The following ZNF488 variants were observed in gnomAD, a reference collection of about 807,000 sequenced individuals.
The protein encoded by ZNF488 is zinc finger protein 488.
In ZNF488, 1 loss-of-function variant was observed where a neutral mutation model predicts 1.2. That is an observed-to-expected ratio of 0.86 (90% confidence interval 0.30 to 4.07). ZNF488 has a LOEUF of 4.07. Ranked by LOEUF, ZNF488 falls within the 30% of genes most tolerant of loss-of-function variation. The pLI is 0.18. For missense variants in ZNF488, 450 were observed against 437.9 expected, an observed-to-expected ratio of 1.03 and a Z score of -0.25; for synonymous variants, 185 against 190.1, an observed-to-expected ratio of 0.97 and a Z score of 0.22.
At position 47,367,451 on chromosome 10, in the gene ZNF488, G is replaced by C. The variant is rs1555212943; in HGVS notation, c.*356C>G. 3.6e-6 allele frequency: 1 copy of C among 276,884 alleles called. No homozygotes were observed. Among genetic ancestry groups the C allele is most frequent in the Non-Finnish European group, 7.2e-6 (1 of 139,082 alleles). 17.2% of individuals were successfully genotyped at this position (276,884 alleles called of 1,614,324 possible). On this transcript the variant is annotated 3_prime_UTR_variant, in exon 2 of 2. Transcript: ENST00000585316. Reference sequence around the variant, plus strand: ...CAGATGAGAAAATGGGGACTCAGCAGGTTAAAGCTCTTTGTCCAGGGTCAC... The same window carrying C: ...CAGATGAGAAAATGGGGACTCAGCACGTTAAAGCTCTTTGTCCAGGGTCAC...
At chr10:47,383,992 T>A (rs1314833765) in intron 1 of ZNF488, among the ~76,000 whole-genome samples, 1 of 148,478 alleles carries the variant, frequency 6.7e-6, no homozygotes, top group Non-Finnish European at 1.5e-5. Flanking sequence ...AAAGAAGAGA[T>A]AGAGGAGAAA....
chr10:47,374,279 T>A (rs1837592606), intron 1 of ZNF488, among the ~76,000 whole-genome samples: 1 of 152,188 alleles, frequency 6.6e-6, no homozygotes, highest in African/African-American at 2.4e-5. Context: ...TTTGACAAGC[T>A]AAAGGGCAAA....
At chr10:47,370,706 G>C (rs369666291) in intron 1 of ZNF488, among the ~76,000 whole-genome samples, 1 of 152,204 alleles carries the variant, frequency 6.6e-6, no homozygotes, top group South Asian at 2.1e-4. Flanking sequence ...TACGCAAGAC[G>C]AAGCACTGTG....
intron 1 of ZNF488, among the ~76,000 whole-genome samples, chr10:47,379,419 T>C (rs200222008): frequency 0.013 from 1,449 of 107,808 alleles, no homozygotes; most frequent in African/African-American, 0.021. Flanking sequence ...TCCATCAATG[T>C]TAACATCCAG....
At chr10:47,376,005 G>A (rs543252364) in intron 1 of ZNF488, among the ~76,000 whole-genome samples, 4 of 152,216 alleles carry the variant, frequency 2.6e-5, no homozygotes, top group Non-Finnish European at 5.9e-5. Flanking sequence ...AGATCACATG[G>A]TCTAGCCACA....
chr10:47,368,579 C>G lies in ZNF488; in HGVS notation c.251G>C (p.Arg84Pro). 1 of 1,611,276 alleles carries G rather than the reference C, an allele frequency of 6.2e-7. No homozygotes were observed. Among genetic ancestry groups the G allele is most frequent in the Non-Finnish European group, 8.5e-7 (1 of 1,179,808 alleles). ...LALLVAPGKP[R>P]PGKPLPPKTR... ...CTTCGGGGGCAGCGGCTTGCCAGGT[C>G]GGGGCTTGCCTGGGGCTACCAACAG... Residue 84 changes from arginine to proline, a missense_variant, in exon 2 of 2, where the codon CGA becomes CCA. Transcript: ENST00000585316.
At chr10:47,381,432 T>C (rs1837951214) in intron 1 of ZNF488, among the ~76,000 whole-genome samples, 1 of 152,388 alleles carries the variant, frequency 6.6e-6, no homozygotes. Context: ...GGTCCTGGGG[T>C]TTCCTAAGAA....
intron 1 of ZNF488, among the ~76,000 whole-genome samples, chr10:47,381,145 C>T (rs974791471): frequency 3.1e-5 from 4 of 127,244 alleles, no homozygotes; most frequent in Non-Finnish European, 5.1e-5. Context: ...TGTCTGAAGT[C>T]ACTCCCTAAC....
chr10:47,368,875 A>C lies in ZNF488; in HGVS notation c.-46T>G. 1 of 1,536,274 alleles carries C rather than the reference A, an allele frequency of 6.5e-7. No homozygotes were observed. Among genetic ancestry groups the C allele is most frequent in the Non-Finnish European group, 8.7e-7 (1 of 1,144,256 alleles). ...GGGGTTCTGGAGGGCTTGGCCCAGC[A>C]AGGAGCCATGAGATATGGAAGCTCC... On this transcript the variant is annotated 5_prime_UTR_variant, in exon 2 of 2. Coordinates refer to ENST00000585316, the MANE Select transcript of ZNF488 (RefSeq NM_153034.4).
Position 47,380,142 on chromosome 10 carries a change from C to G in ZNF488, c.-109+4078G>C, listed in dbSNP as rs1047492957. Among the ~76,000 whole-genome samples, 3 of 152,396 alleles carry G rather than the reference C, an allele frequency of 2.0e-5. No homozygotes were observed. The South Asian group carries it at 6.2e-4, about 32-fold the overall frequency. ...CTCCTCAGTAGGTTCAGTTCACACC[C>G]GGGCTCTCACCCCCTGACACTCTTT... On this transcript the variant is annotated intron_variant, in intron 1 of 1. Coordinates refer to ENST00000585316, the MANE Select transcript of ZNF488 (RefSeq NM_153034.4).
At chr10:47,378,104 T>A (rs1360947711) in intron 1 of ZNF488, among the ~76,000 whole-genome samples, 1 of 152,106 alleles carries the variant, frequency 6.6e-6, no homozygotes, top group Non-Finnish European at 1.5e-5. Flanking sequence ...TGTAACCTCA[T>A]CTCCACTCGC....
chr10:47,378,925 G>C (rs1837799580), intron 1 of ZNF488, among the ~76,000 whole-genome samples: 1 of 152,072 alleles, frequency 6.6e-6, no homozygotes, highest in Admixed American at 6.6e-5. Flanking sequence ...GTGAATGTCG[G>C]CCAGTGTCTC....
chr10:47,384,163 C>G (rs1469847725), intron 1 of ZNF488, 57 bp downstream of exon 1: 1 of 153,402 alleles, frequency 6.5e-6, no homozygotes, highest in Non-Finnish European at 1.4e-5. Context: ...TGAGATGGAC[C>G]CCGCCGCCCG....
intron 1 of ZNF488, among the ~76,000 whole-genome samples, chr10:47,369,664 C>CA (rs1837393583): frequency 6.6e-6 from 1 of 152,126 alleles, no homozygotes; most frequent in Non-Finnish European, 1.5e-5. Context: ...CAAGTGTCCC[C>CA]ACTCTTCCCC....
intron 1 of ZNF488, among the ~76,000 whole-genome samples, chr10:47,374,124 T>C (rs1231720518): frequency 6.6e-6 from 1 of 152,236 alleles, no homozygotes; most frequent in Non-Finnish European, 1.5e-5. Context: ...CAGGTCCTTG[T>C]CCTTCAAAGA....
intron 1 of ZNF488, among the ~76,000 whole-genome samples, chr10:47,380,552 G>A (rs1392133376): frequency 1.3e-5 from 2 of 152,264 alleles, no homozygotes; most frequent in East Asian, 3.9e-4. Context: ...GCTGCATCCT[G>A]GGAGATGAAG....
At chr10:47,370,748 T>C (rs913871392) in intron 1 of ZNF488, among the ~76,000 whole-genome samples, 2 of 152,212 alleles carry the variant, frequency 1.3e-5, no homozygotes, top group African/African-American at 2.4e-5. Context: ...GCTATGCTTA[T>C]GAACGAATGC....
chr10:47,374,166 C>T (rs1458769313), intron 1 of ZNF488, among the ~76,000 whole-genome samples: 4 of 152,188 alleles, frequency 2.6e-5, no homozygotes, highest in Admixed American at 1.3e-4. Flanking sequence ...GGAGGCTGCA[C>T]CAGGTGTCCT....
At chr10:47,368,964 T>A in intron 1 of ZNF488, 27 bp from the exon 2 acceptor site, 1 of 1,038,066 alleles carries the variant, frequency 9.6e-7, no homozygotes, top group Non-Finnish European at 1.4e-6. Context: ...CGACAGGCAG[T>A]GAGATGGGCA....
Sources: allele counts gnomAD v4.1 joint callset (sites outside exome capture counted in the v4.1 genomes callset), GRCh38; gene constraint gnomAD v4.1.1; transcripts MANE v1.5; gene names NCBI Gene and HGNC (gene_info 2026-07-23, HGNC 2026-07-21).